The following ALK variants were observed in gnomAD, a reference collection of about 807,000 sequenced individuals.
ALK encodes the protein ALK receptor tyrosine kinase.
Under a neutral mutation model 163.1 loss-of-function variants are expected in ALK, and 74 were observed. The ratio of observed to expected loss-of-function variants is 0.45; its 90% CI spans 0.38 to 0.55. ALK has a LOEUF of 0.55. ALK is among the 20% of genes least tolerant of loss of function. The pLI is 0.00. For missense variants in ALK, 2,063 were observed against 2,105.3 expected, an observed-to-expected ratio of 0.98 and a Z score of 0.39; for synonymous variants, 960 against 843.2, an observed-to-expected ratio of 1.14 and a Z score of -2.40.
At chr2:29,403,244 G>A (rs1052533882) in intron 4 of ALK, among the ~76,000 whole-genome samples, 5 of 152,142 alleles carry the variant, frequency 3.3e-5, no homozygotes, top group Non-Finnish European at 7.3e-5. Context: ...AGGCCAAAGC[G>A]GAATCCTTTG....
At chr2:29,863,941 T>C (rs1666359775) in intron 1 of ALK, among the ~76,000 whole-genome samples, 1 of 152,192 alleles carries the variant, frequency 6.6e-6, no homozygotes, top group South Asian at 2.1e-4. Context: ...CCTCAAGACA[T>C]TTCTCCCAAC....
At chr2:29,400,149 C>T (rs1454958260) in intron 4 of ALK, among the ~76,000 whole-genome samples, 1 of 152,182 alleles carries the variant, frequency 6.6e-6, no homozygotes, top group African/African-American at 2.4e-5. Flanking sequence ...TCAGGTACAT[C>T]ATCTCATTTA....
intron 3 of ALK, among the ~76,000 whole-genome samples, chr2:29,592,421 G>A (rs1354106219): frequency 6.6e-6 from 1 of 152,156 alleles, no homozygotes; most frequent in East Asian, 1.9e-4. Context: ...CAAGCAGGCT[G>A]CTTGGAGTTG....
rs185613882 is a variant in ALK, at chr2:29,428,717, T to G, written c.1155-44858A>C. On this transcript the variant is annotated intron_variant, in intron 4 of 28. Coordinates refer to ENST00000389048, the MANE Select transcript of ALK (RefSeq NM_004304.5). ...AATAATACCAATTATTACAAACTCT[T>G]TCAAACAATAGAAGAAGAGGAAACA... 5.9e-5 allele frequency among the ~76,000 whole-genome samples: 9 copies of G among 152,170 alleles called. No homozygotes were observed. In the East Asian group the frequency reaches 1.7e-3, roughly 29 times the overall value.
chr2:29,505,430 G>A (rs1672293075), intron 4 of ALK, among the ~76,000 whole-genome samples: 1 of 152,196 alleles, frequency 6.6e-6, no homozygotes, highest in Admixed American at 6.5e-5. Context: ...ATAAGTACTT[G>A]GCAGGGGCTT....
chr2:29,517,278 C>T (rs1322879306), intron 4 of ALK, among the ~76,000 whole-genome samples: 2 of 152,060 alleles, frequency 1.3e-5, no homozygotes, highest in Admixed American at 6.5e-5. Flanking sequence ...GCCATCCTTA[C>T]GTTGCTGATA....
At chr2:29,488,109 C>T (rs543325409) in intron 4 of ALK, among the ~76,000 whole-genome samples, 2 of 152,244 alleles carry the variant, frequency 1.3e-5, no homozygotes, top group East Asian at 3.9e-4. Flanking sequence ...CAGCTGGGTT[C>T]ATCTCATATG....
rs576802923 is a variant in ALK at position 29,586,444 on chromosome 2, T to C, written c.953-54328A>G. On this transcript the variant is annotated intron_variant, in intron 3 of 28. Coordinates refer to ENST00000389048, the MANE Select transcript of ALK (RefSeq NM_004304.5). Reference sequence around the variant, plus strand: ...GAATGAAATAACTATCCACATATATTATCTTTTAGGTCTCAAAAAAATGCT... The same window carrying C: ...GAATGAAATAACTATCCACATATATCATCTTTTAGGTCTCAAAAAAATGCT... Among the ~76,000 whole-genome samples, 43 of 152,320 alleles carry C rather than the reference T, an allele frequency of 2.8e-4. 1 individual carries two copies. The South Asian group carries it at 5.0e-3, about 18-fold the overall frequency.
At chr2:29,203,866 C>G (rs539826163) in intron 26 of ALK, among the ~76,000 whole-genome samples, 76 of 152,176 alleles carry the variant, frequency 5.0e-4, no homozygotes, top group African/African-American at 1.6e-3. Flanking sequence ...GCTAGGAAAT[C>G]TTGAATGATT....
At chr2:29,356,277 G>C (rs1269827621) in intron 5 of ALK, among the ~76,000 whole-genome samples, 1 of 152,170 alleles carries the variant, frequency 6.6e-6, no homozygotes, top group Non-Finnish European at 1.5e-5. Context: ...AATCCTAAGA[G>C]TAAATAGTAT....
intron 11 of ALK, among the ~76,000 whole-genome samples, chr2:29,273,353 G>T (rs1386436170): frequency 6.6e-6 from 1 of 152,252 alleles, no homozygotes; most frequent in Non-Finnish European, 1.5e-5. Flanking sequence ...GGTTGAGAAT[G>T]AGGGGTCAAG....
chr2:29,704,225 C>T lies in ALK; in HGVS notation c.788-9211G>A, dbSNP rs144991167. On this transcript the variant is annotated intron_variant, in intron 2 of 28. Coordinates refer to ENST00000389048, the MANE Select transcript of ALK (RefSeq NM_004304.5). ...ACCCCAGAAATTAGCATTCTTAAAA[C>T]ACTGTCAGTCCTTAAAGATTGTACC... is the stretch of plus-strand genomic sequence containing the variant. Among the ~76,000 whole-genome samples the T allele has an allele frequency of 3.9e-5, 6 of 152,298 alleles. No individual in the cohort carries two copies. The East Asian group carries it at 1.2e-3, about 29-fold the overall frequency.
chr2:29,861,680 A>G (rs935038227), intron 1 of ALK, among the ~76,000 whole-genome samples: 1 of 152,216 alleles, frequency 6.6e-6, no homozygotes. Context: ...TGAGGGTTTC[A>G]TGGTTGAATT....
At chr2:29,395,976 CTT>C (rs1259816748) in intron 4 of ALK, among the ~76,000 whole-genome samples, 1 of 152,060 alleles carries the variant, frequency 6.6e-6, no homozygotes, top group Non-Finnish European at 1.5e-5. Context: ...TCATGGAAAA[CTT>C]TGACTAAATA....
At chr2:29,772,095 G>T (rs970891482) in intron 1 of ALK, among the ~76,000 whole-genome samples, 2 of 152,204 alleles carry the variant, frequency 1.3e-5, no homozygotes, top group Non-Finnish European at 1.5e-5. Flanking sequence ...AACCCACCCA[G>T]ATGGGAGCAG....
intron 12 of ALK, among the ~76,000 whole-genome samples, chr2:29,244,351 C>T (rs969002731): frequency 2.0e-5 from 3 of 152,148 alleles, no homozygotes; most frequent in African/African-American, 4.8e-5. Flanking sequence ...ACACATGACG[C>T]GTGTGAGTGT....
chr2:29,422,899 A>G (rs1414036476), intron 4 of ALK, among the ~76,000 whole-genome samples: 1 of 150,452 alleles, frequency 6.6e-6, no homozygotes, highest in Non-Finnish European at 1.5e-5. Context: ...CTCAATCCTA[A>G]TAACACTTGA....
chr2:29,799,145 C>T (rs1664398028), intron 1 of ALK, among the ~76,000 whole-genome samples: 1 of 152,200 alleles, frequency 6.6e-6, no homozygotes, highest in African/African-American at 2.4e-5. Context: ...GCTTTTTCAC[C>T]AGCCAGGTTA....
chr2:29,366,986 C>T (rs1668523418), intron 5 of ALK, among the ~76,000 whole-genome samples: 2 of 152,182 alleles, frequency 1.3e-5, no homozygotes, highest in Non-Finnish European at 2.9e-5. Context: ...TCTGGCTTTT[C>T]TTCCTCCCGT....
Sources: gnomAD v4.1 joint callset for allele counts (sites outside exome capture counted in the v4.1 genomes callset) on GRCh38, gnomAD v4.1.1 for gene constraint, MANE v1.5 for transcripts, NCBI Gene and HGNC (gene_info 2026-07-23, HGNC 2026-07-21) for gene names.